Variants in TAF1B observed in about 807,000 individuals in gnomAD.
TAF1B encodes TATA box-binding protein-associated factor RNA polymerase I subunit B.
TAF1B carries 61 observed loss-of-function variants against 83.9 expected under a neutral mutation model. The observed-to-expected ratio is 0.73, with a 90% CI of 0.59 to 0.90. The LOEUF is 0.90. TAF1B is among the 40% of genes least tolerant of loss of function. The probability of loss-of-function intolerance (pLI) is 0.00; values close to 1 mark genes in which losing one functional copy is unlikely to be tolerated. For missense variants in TAF1B, 625 were observed against 677.0 expected (o/e 0.92, Z 0.85); for synonymous variants, 221 against 224.6 (o/e 0.98, Z 0.14).
chr2:9,919,736 T>A lies in TAF1B; in HGVS notation c.1481T>A (p.Leu494His), dbSNP rs201051317. ...AGAACGTGTTTCCATGGACACAGCC[T>A]TCAGGGAGTCCTGAAAGAGAAAGGC... ...TDRTCFHGHSLQGVLKEKGQS... is the reference protein window; with the variant it reads ...TDRTCFHGHSHQGVLKEKGQS... Residue 494 changes from leucine (L) to histidine (H), a missense_variant, in exon 14 of 15, where the codon CTT becomes CAT. By Grantham distance (99) the Leu-to-His change is moderately conservative. Transcript: ENST00000263663. The A allele has an allele frequency of 4.3e-6, 7 of 1,614,196 alleles. No individual in the cohort carries two copies. The highest frequency in any genetic ancestry group is 5.9e-6 in the Non-Finnish European group (7 of 1,180,036).
intron 6 of TAF1B, among the ~76,000 whole-genome samples, chr2:9,871,246 A>AT (rs968647882): frequency 1.3e-4 from 20 of 151,144 alleles, no homozygotes; most frequent in South Asian, 2.1e-4. Flanking sequence ...TGCCCAGCTA[A>AT]TTTTTTTTTG....
At chr2:9,888,702 C>A (rs1273240640) in intron 8 of TAF1B, among the ~76,000 whole-genome samples, 1 of 141,770 alleles carries the variant, frequency 7.1e-6, no homozygotes, top group Non-Finnish European at 1.5e-5. Context: ...CCTTTAGCTG[C>A]TTTTTAAGAT....
intron 6 of TAF1B, among the ~76,000 whole-genome samples, chr2:9,868,951 TATCC>T (rs1054512579): frequency 6.6e-6 from 1 of 152,220 alleles, no homozygotes; most frequent in African/African-American, 2.4e-5. Flanking sequence ...TTTATCAGTG[TATCC>T]ACATCTCTTC....
At chr2:9,921,723 C>T (rs1665885868) in intron 14 of TAF1B, among the ~76,000 whole-genome samples, 1 of 152,060 alleles carries the variant, frequency 6.6e-6, no homozygotes. Flanking sequence ...CAGGTGTTTA[C>T]CATAAAATTC....
chr2:9,885,023 C>T (rs1192451452), intron 8 of TAF1B, among the ~76,000 whole-genome samples: 1 of 152,194 alleles, frequency 6.6e-6, no homozygotes, highest in Non-Finnish European at 1.5e-5. Context: ...TGGCTCAGCG[C>T]TCCAAAATTA....
intron 2 of TAF1B, 184 bp downstream of exon 2, chr2:9,845,502 G>A: frequency 4.1e-6 from 2 of 486,656 alleles, no homozygotes; most frequent in South Asian, 2.5e-5. Flanking sequence ...ATTAGATTGA[G>A]GATGAGTTTT....
At position 9,890,839 on chromosome 2, in the gene TAF1B, A is replaced by G. The variant is rs180797256; in HGVS notation, c.807+8034A>G. On this transcript the variant is annotated intron_variant, in intron 8 of 14. Transcript: ENST00000263663. ...AGGCTGGAGTGCAATTGCACAATCTATGCTCACCACAACCTCCACCTCCCA... is the reference window on the plus strand; with the variant it reads ...AGGCTGGAGTGCAATTGCACAATCTGTGCTCACCACAACCTCCACCTCCCA... Among the ~76,000 whole-genome samples the G allele has an allele frequency of 1.5e-3, 231 of 152,182 alleles. 3 individuals are homozygous for G. The highest frequency in any genetic ancestry group is 2.1e-4 in the Non-Finnish European group (14 of 67,990).
chr2:9,904,478 G>A (rs977492413), intron 8 of TAF1B, among the ~76,000 whole-genome samples: 1 of 152,104 alleles, frequency 6.6e-6, no homozygotes, highest in Non-Finnish European at 1.5e-5. Flanking sequence ...GTATATAGAC[G>A]ACAATTTCTT....
In TAF1B at chr2:9,893,413, G is replaced by A. The variant is rs190350162; in HGVS notation, c.807+10608G>A. On this transcript the variant is annotated intron_variant, in intron 8 of 14. Coordinates refer to ENST00000263663, the MANE Select transcript of TAF1B (RefSeq NM_005680.3). ...AAACAATCTAAATGTCTATCAACAG[G>A]AAAATGGAAAAAATGTGATATAGTC... Among the ~76,000 whole-genome samples, 299 of 137,466 alleles carry A rather than the reference G, an allele frequency of 2.2e-3. 1 individual carries two copies. Among genetic ancestry groups the A allele is most frequent in the African/African-American group, 7.0e-3 (286 of 40,716 alleles). 90.2% of individuals were successfully genotyped at this position (137,466 alleles called of 152,430 possible). A position where few individuals can be genotyped will look rare whatever the true frequency, so the allele number is the denominator to read the frequency against.
At chr2:9,853,668 A>G (rs547909176) in intron 4 of TAF1B, among the ~76,000 whole-genome samples, 23 of 151,938 alleles carry the variant, frequency 1.5e-4, no homozygotes, top group Non-Finnish European at 2.9e-4. Context: ...AGGTCTCACC[A>G]TGTTGCCCAG....
chr2:9,875,598 C>T lies in TAF1B; in HGVS notation c.554-267C>T, dbSNP rs73163623. On this transcript the variant is annotated intron_variant, in intron 6 of 14. Transcript: ENST00000263663. ...AGATGAGCGTGTGCAGGGGAACTAC[C>T]CTTTATAAAACTATCAGATCTCGTG... Among the ~76,000 whole-genome samples, 576 of 152,140 alleles carry T rather than the reference C, an allele frequency of 3.8e-3. 5 individuals carry two copies. The highest frequency in any genetic ancestry group is 0.013 in the African/African-American group (538 of 41,486).
At chr2:9,867,773 A>G (rs1364027218) in intron 5 of TAF1B, among the ~76,000 whole-genome samples, 1 of 152,186 alleles carries the variant, frequency 6.6e-6, no homozygotes, top group Non-Finnish European at 1.5e-5. Context: ...TACAAATCGT[A>G]TATGCTACAG....
intron 2 of TAF1B, among the ~76,000 whole-genome samples, chr2:9,847,558 G>A (rs538562692): frequency 2.0e-5 from 3 of 152,140 alleles, no homozygotes; most frequent in Admixed American, 2.0e-4. Context: ...GCATGTAACT[G>A]TCAAGCTCCA....
At chr2:9,849,053 A>C (rs1054266146) in intron 2 of TAF1B, among the ~76,000 whole-genome samples, 3 of 152,212 alleles carry the variant, frequency 2.0e-5, no homozygotes, top group Non-Finnish European at 4.4e-5. Context: ...TTGTGTGGAG[A>C]AAAAAGTGAG....
At chr2:9,923,099 C>T (rs771287304) in intron 14 of TAF1B, among the ~76,000 whole-genome samples, 6 of 151,574 alleles carry the variant, frequency 4.0e-5, no homozygotes, top group Non-Finnish European at 5.9e-5. Flanking sequence ...CAAAATTAGC[C>T]GGGTGTGGTG....
At chr2:9,860,377 G>A (rs1250348628) in intron 5 of TAF1B, among the ~76,000 whole-genome samples, 1 of 152,156 alleles carries the variant, frequency 6.6e-6, no homozygotes, top group African/African-American at 2.4e-5. Flanking sequence ...TGTAACATAC[G>A]CCATTATTTT....
chr2:9,926,224 C>A (rs1016149957), intron 14 of TAF1B, among the ~76,000 whole-genome samples: 4 of 152,110 alleles, frequency 2.6e-5, no homozygotes, highest in Non-Finnish European at 5.9e-5. Context: ...TAAGTCATTT[C>A]TTAATATTCT....
In TAF1B at chr2:9,934,252, A is replaced by C. The variant is rs1188979462; in HGVS notation, c.*268A>C. ...TAATTGTATCCAGAAATGTATACTC[A>C]TCGTATTTTAAAGCTAAATTTATTT... is the stretch of plus-strand genomic sequence containing the variant. On this transcript the variant is annotated 3_prime_UTR_variant, in exon 15 of 15. Transcript: ENST00000263663. The C allele has an allele frequency of 1.4e-5, 4 of 279,354 alleles. No homozygotes were observed. The Admixed American group carries it at 1.9e-4, about 13-fold the overall frequency. 17.3% of individuals were successfully genotyped at this position (279,354 alleles called of 1,614,324 possible).
At chr2:9,845,421 C>G (rs1453521085) in intron 2 of TAF1B, 103 bp downstream of exon 2, 1 of 852,240 alleles carries the variant, frequency 1.2e-6, no homozygotes, top group South Asian at 1.5e-5. Context: ...ATTTTTGTCA[C>G]TCATGCAATG....
Sources: gnomAD v4.1 joint callset for allele counts (sites outside exome capture counted in the v4.1 genomes callset) on GRCh38, gnomAD v4.1.1 for gene constraint, MANE v1.5 for transcripts, NCBI Gene and HGNC (gene_info 2026-07-23, HGNC 2026-07-21) for gene names.